RBM27: variants seen among roughly 807,000 people sequenced by gnomAD.
The protein encoded by RBM27 is RNA binding motif protein 27, also known as RNA-binding protein 27.
Under a neutral mutation model 135.3 loss-of-function variants are expected in RBM27, and 22 were observed. The ratio of observed to expected loss-of-function variants is 0.16; its 90% confidence interval spans 0.12 to 0.23. The LOEUF is 0.23. Among genes scored for constraint, RBM27 ranks in the 10% least tolerant of loss-of-function variants. The pLI is 1.00. For synonymous variants in RBM27, 481 were observed against 442.4 expected (o/e 1.09, Z -1.10); for missense variants, 1,009 against 1,281.0 (o/e 0.79, Z 3.24).
chr5:146,228,605 T>G (rs1184138931), intron 3 of RBM27, among the ~76,000 whole-genome samples: 1 of 151,568 alleles, frequency 6.6e-6, no homozygotes, highest in Admixed American at 6.6e-5. Flanking sequence ...CTTATTTTGT[T>G]TTTTGTTTGT....
chr5:146,259,524 AAAAG>A (rs1319663844), intron 11 of RBM27, among the ~76,000 whole-genome samples: 2 of 151,036 alleles, frequency 1.3e-5, no homozygotes, highest in African/African-American at 2.5e-5. Flanking sequence ...AAAAAAAAAA[AAAAG>A]GTGGTGTTCT....
At chr5:146,282,000 C>CTTTTTTTTTT (rs777368235) in intron 19 of RBM27, among the ~76,000 whole-genome samples, 4 of 101,500 alleles carry the variant, frequency 3.9e-5, no homozygotes, top group Admixed American at 1.2e-4. Context: ...TATTTTTCAT[C>CTTTTTTTTTT]TTTTTTTTTT....
chr5:146,204,672 AAGG>A (rs1018881857), intron 1 of RBM27, among the ~76,000 whole-genome samples: 7 of 152,182 alleles, frequency 4.6e-5, no homozygotes, highest in African/African-American at 1.7e-4. Flanking sequence ...GGAGGAATAA[AAGG>A]AGCGGTAGAA....
intron 14 of RBM27, among the ~76,000 whole-genome samples, chr5:146,266,877 C>T (rs578010596): frequency 5.3e-5 from 8 of 152,010 alleles, no homozygotes; most frequent in East Asian, 1.9e-4. Flanking sequence ...CGCAGCAAGC[C>T]GTGATTGCAC....
intron 19 of RBM27, among the ~76,000 whole-genome samples, chr5:146,278,906 A>G (rs1241871541): frequency 6.6e-6 from 1 of 151,714 alleles, no homozygotes; most frequent in Non-Finnish European, 1.5e-5. Context: ...TATTTTGAGT[A>G]GAGACGGGGT....
intron 19 of RBM27, among the ~76,000 whole-genome samples, chr5:146,277,782 C>T (rs1219177081): frequency 6.6e-6 from 1 of 151,778 alleles, no homozygotes; most frequent in Non-Finnish European, 1.5e-5. Flanking sequence ...GACCTCCCAC[C>T]TCGGCCTCCC....
In RBM27 at chr5:146,219,051, G is replaced by C. The variant is rs1443692417; in HGVS notation, c.126G>C (p.Glu42Asp). 8.7e-6 allele frequency: 14 copies of C among 1,613,550 alleles called. No individual in the cohort carries two copies. Among genetic ancestry groups the C allele is most frequent in the African/African-American group, 1.3e-5 (1 of 74,894 alleles). ...VVALVKKDKP[E>D]KELKAFCADQ... ...CACTGGTCAAGAAGGACAAACCTGA[G>C]AAAGAATTAAAAGCCTTTTGTGCTG... The change falls in exon 2 of 21, where the codon GAG becomes GAC. Residue 42 changes from glutamate (E) to aspartate (D), a missense_variant. Physicochemically the swap from Glu to Asp is conservative, Grantham distance 45 (BLOSUM62 2). This residue lies in a region of RBM27 where 268 missense variants were observed against 326.6 expected (regional missense o/e 0.82). Coordinates refer to ENST00000265271, the MANE Select transcript of RBM27 (RefSeq NM_018989.2).
At chr5:146,268,502 A>G (rs1758719214) in intron 15 of RBM27, among the ~76,000 whole-genome samples, 1 of 152,120 alleles carries the variant, frequency 6.6e-6, no homozygotes, top group Non-Finnish European at 1.5e-5. Flanking sequence ...TCGGCTTCCC[A>G]AAGTGCTGGG....
intron 10 of RBM27, among the ~76,000 whole-genome samples, chr5:146,257,900 T>G (rs1001688457): frequency 1.3e-5 from 2 of 151,736 alleles, no homozygotes; most frequent in Admixed American, 1.3e-4. Context: ...CACCACAACC[T>G]CCGTCTCCTG....
intron 3 of RBM27, among the ~76,000 whole-genome samples, chr5:146,223,936 G>T (rs938977899): frequency 1.3e-5 from 2 of 152,134 alleles, no homozygotes; most frequent in Non-Finnish European, 2.9e-5. Context: ...AATAGTTAAT[G>T]TAATTGTGAA....
chr5:146,270,552 G>C (rs1758820011), intron 17 of RBM27, among the ~76,000 whole-genome samples: 1 of 152,188 alleles, frequency 6.6e-6, no homozygotes, highest in South Asian at 2.1e-4. Flanking sequence ...ACAAAAAAGA[G>C]AATGTCAACA....
rs774252810 is a variant in RBM27 at position 146,251,795 on chromosome 5, G to A, written c.1364G>A (p.Arg455His). ...ACACCGCCTCCTCTGTTGGCAGCTC[G>A]TTTGGTGCCACCTCGAAACCTCATG... ...LGTPPPLLAA[R>H]LVPPRNLMGS... is the part of the protein sequence containing the mutation. Residue 455 changes from arginine (R) to histidine (H), a missense_variant, in exon 9 of 21, where the codon CGT (arginine) becomes CAT (histidine). Arg to His is a conservative substitution (Grantham distance 29). Around this residue, in one of 6 missense-constraint regions of RBM27, gnomAD observed 329 missense variants for 368.1 expected, o/e 0.89. Transcript: ENST00000265271. 7.4e-6 allele frequency: 12 copies of A among 1,613,846 alleles called. No individual in the cohort carries two copies. Among genetic ancestry groups the A allele is most frequent in the East Asian group, 2.2e-5 (1 of 44,876 alleles).
At chr5:146,245,021 C>T (rs1045263268) in intron 8 of RBM27, among the ~76,000 whole-genome samples, 28 of 149,800 alleles carry the variant, frequency 1.9e-4, no homozygotes, top group African/African-American at 6.6e-4. Context: ...TGTACAGGCA[C>T]ATGCCACCAT....
intron 8 of RBM27, among the ~76,000 whole-genome samples, chr5:146,239,467 CTTTTCT>C (rs566261446): frequency 0.21 from 26,798 of 130,418 alleles, 3,008 homozygotes; most frequent in Admixed American, 0.31. Flanking sequence ...TTTTTTTTTC[CTTTTCT>C]TTTTTTTTTT....
At chr5:146,284,522 T>C (rs1253236522) in intron 19 of RBM27, 100 bp from the exon 20 acceptor site, 2 of 774,616 alleles carry the variant, frequency 2.6e-6, no homozygotes, top group Non-Finnish European at 4.5e-6. Flanking sequence ...AACAGATTTC[T>C]CTCCTGCCCT....
intron 20 of RBM27, among the ~76,000 whole-genome samples, chr5:146,285,492 G>A (rs1404774569): frequency 6.6e-6 from 1 of 151,998 alleles, no homozygotes; most frequent in Non-Finnish European, 1.5e-5. Context: ...TAAGATTTTA[G>A]ATTTTTATAT....
chr5:146,261,433 C>G (rs907989849), intron 12 of RBM27, 77 bp from the exon 13 acceptor site: 1 of 1,195,314 alleles, frequency 8.4e-7, no homozygotes, highest in African/African-American at 1.5e-5. Flanking sequence ...GGAAAACATT[C>G]ATTACATAGC....
chr5:146,269,645 CCTTGAAAGTACA>C (rs2126880042), intron 17 of RBM27, 61 bp downstream of exon 17: 1 of 1,205,196 alleles, frequency 8.3e-7, no homozygotes, highest in African/African-American at 1.6e-5. Context: ...GTGCTTGACA[CCTTGAAAGTACA>C]ATGGGACCCT....
intron 20 of RBM27, among the ~76,000 whole-genome samples, chr5:146,285,495 T>G (rs1162812234): frequency 6.6e-6 from 1 of 152,130 alleles, no homozygotes; most frequent in East Asian, 1.9e-4. Context: ...GATTTTAGAT[T>G]TTTATATAAG....
Sources: allele counts gnomAD v4.1 joint callset (sites outside exome capture counted in the v4.1 genomes callset), GRCh38; gene constraint gnomAD v4.1.1; regional missense constraint gnomAD v4.1.1; transcripts MANE v1.5; gene names NCBI Gene and HGNC (gene_info 2026-07-23, HGNC 2026-07-21).